MXRA5: variants seen among roughly 807,000 people sequenced by gnomAD.
MXRA5 encodes matrix-remodeling-associated protein 5.
In MXRA5, 41 loss-of-function variants were observed where a neutral mutation model predicts 112.5. That is an observed-to-expected ratio of 0.36 (90% CI 0.28 to 0.47). The LOEUF (loss-of-function observed/expected upper bound fraction) is 0.47. Ranked by LOEUF, MXRA5 falls within the 20% of genes least tolerant of loss-of-function variation. MXRA5 has a pLI of 0.99. For synonymous variants in MXRA5, 862 were observed against 900.8 expected (o/e 0.96, Z 0.77); for missense variants, 2,150 against 2,251.0 (o/e 0.96, Z 0.91).
intron 2 of MXRA5, among the ~76,000 whole-genome samples, chrX:3,338,336 T>C (rs766880869): frequency 1.8e-5 from 2 of 111,337 alleles, no homozygotes; most frequent in East Asian, 2.8e-4. Context: ...TTGTCATAGA[T>C]AGATGATAGA....
intron 2 of MXRA5, among the ~76,000 whole-genome samples, chrX:3,341,930 C>A (rs1215293055): frequency 9.3e-6 from 1 of 108,000 alleles, no homozygotes; most frequent in East Asian, 2.9e-4. Context: ...ACAGTTAAAG[C>A]CCCACTTTCT....
At chrX:3,334,212 G>A (rs1921734595) in intron 2 of MXRA5, among the ~76,000 whole-genome samples, 1 of 111,392 alleles carries the variant, frequency 9.0e-6, no homozygotes, top group South Asian at 3.8e-4. Flanking sequence ...GACCTTCTGA[G>A]CTCAAGTGAT....
rs1004618956 is a variant in MXRA5 at position 3,324,704 on chromosome X, C to T, written c.981G>A (p.Gly327=). 3 of 1,208,556 alleles carry T rather than the reference C, an allele frequency of 2.5e-6. No homozygotes were observed. The African/African-American group carries it at 5.3e-5, about 21-fold the overall frequency. The part of the protein sequence containing the change: ...SISLNMTDEH[G]NMVNLVCDIK... ...TGTCACAGACCAAGTTCACCATGTT[C>T]CCGTGCTCGTCGGTCATATTCAAAG... is the stretch of plus-strand genomic sequence containing the variant. The change falls in exon 5 of 7, where the codon GGG becomes GGA. Residue 327 remains glycine (G), a synonymous_variant. Transcript: ENST00000217939.
chrX:3,326,774 C>G (rs1921522043), intron 4 of MXRA5, among the ~76,000 whole-genome samples: 1 of 110,184 alleles, frequency 9.1e-6, no homozygotes, highest in Non-Finnish European at 1.9e-5. Context: ...CTGGGTCCTC[C>G]TTGACTTGAG....
At position 3,317,552 on chromosome X, in the gene MXRA5, C is replaced by T. The variant is rs1195088099; in HGVS notation, c.6129G>A (p.Ala2043=). 1.5e-5 allele frequency: 18 copies of T among 1,208,195 alleles called. No homozygotes were observed. Among genetic ancestry groups the T allele is most frequent in the East Asian group, 3.0e-5 (1 of 33,722 alleles). ...ADSLAIRLHV[A]ALPPVIHQEK... ...CCTGGTGGATAACGGGGGGCAGTGC[C>T]GCCACGTGCAGGCGGATGGCCAGGC... Residue 2043 remains alanine (A), a synonymous_variant, in exon 6 of 7, where the codon GCG becomes GCA. Transcript: ENST00000217939.
At position 3,316,175 on chromosome X, in the gene MXRA5, G is replaced by A. The variant is rs1460722986; in HGVS notation, c.6578+928C>T. On this transcript the variant is annotated intron_variant, in intron 6 of 6. Coordinates refer to ENST00000217939, the MANE Select transcript of MXRA5 (RefSeq NM_015419.4). Reference sequence around the variant, plus strand: ...TAAAAATACAAAAAATTAGCCAGGCGTGGTGGCGGGCGCCTGTAGTCCCAG... The same window carrying A: ...TAAAAATACAAAAAATTAGCCAGGCATGGTGGCGGGCGCCTGTAGTCCCAG... 4.4e-5 allele frequency among the ~76,000 whole-genome samples: 4 copies of A among 91,479 alleles called. No homozygotes were observed. In the East Asian group the frequency reaches 9.9e-4, roughly 23 times the overall value. The allele number at this position is 91,479 out of a possible 115,157, so 79.4% of individuals were successfully genotyped here. A position where few individuals can be genotyped will look rare whatever the true frequency, so the allele number is the denominator to read the frequency against.
intron 6 of MXRA5, 88 bp downstream of exon 6, chrX:3,317,015 G>T: frequency 1.1e-6 from 1 of 947,962 alleles, no homozygotes. Flanking sequence ...AGGGAGCAAC[G>T]TGTGTGCATA....
intron 6 of MXRA5, 41 bp downstream of exon 6, chrX:3,317,061 AC>A: frequency 9.1e-7 from 1 of 1,095,022 alleles, no homozygotes; most frequent in Non-Finnish European, 1.2e-6. Context: ...CGTTGGGGCC[AC>A]CAGCCCAGCG....
Position 3,322,480 on chromosome X carries a change from C to T in MXRA5, c.3205G>A (p.Gly1069Arg), listed in dbSNP as rs950457197. ...GGGTCTCCCTCTAGCATATTTCCTC[C>T]CTGTAGTGTCTGAGACATCTCTTTC... Reference protein sequence around the residue: ...GMKEMSQTLQGGNMLEGDPTH... With the variant: ...GMKEMSQTLQRGNMLEGDPTH... The change falls in exon 5 of 7, where the codon GGA becomes AGA. Residue 1069 changes from glycine to arginine, a missense_variant. Transcript: ENST00000217939. The T allele has an allele frequency of 6.6e-6, 8 of 1,209,397 alleles. No homozygotes were observed. The African/African-American group carries it at 1.2e-4, about 19-fold the overall frequency.
intron 2 of MXRA5, among the ~76,000 whole-genome samples, chrX:3,335,073 ATTG>A (rs1437063121): frequency 2.7e-5 from 3 of 111,769 alleles, no homozygotes; most frequent in African/African-American, 6.5e-5. Context: ...TGGGGACATT[ATTG>A]TTGTTGTTGC....
At position 3,311,279 on chromosome X, in the gene MXRA5, T is replaced by G; in HGVS notation, c.6924A>C (p.Thr2308=). The G allele has an allele frequency of 8.3e-7, 1 of 1,211,037 alleles. No individual in the cohort carries two copies. The highest frequency in any genetic ancestry group is 1.1e-6 in the Non-Finnish European group (1 of 895,352). ...TKRYVVFNNG[T]LYFNEVGMRE... ...TCATCCCCACTTCGTTAAAGTAGAG[T>G]GTCCCATTGTTGAAGACGACATAGC... The change falls in exon 7 of 7, where the codon ACA becomes ACC. Residue 2308 remains threonine (T), a synonymous_variant. Transcript: ENST00000217939.
rs1432511156 is a variant in MXRA5, at chrX:3,310,617, A to C, written c.7586T>G (p.Leu2529Trp). The change falls in exon 7 of 7, where the codon TTG becomes TGG. Residue 2529 changes from leucine to tryptophan, a missense_variant. Leu to Trp is a moderately conservative substitution (Grantham distance 61). Around this residue, in one of 6 missense-constraint regions of MXRA5, gnomAD observed 93 missense variants for 135.5 expected, o/e 0.69. Transcript: ENST00000217939. ...CTCCAGGACAGTGAGCTGCAGGATC[A>C]ACCTGGCCTCCCCTCCCTCGTTGCG... ...MARNEGGEAR[L>W]ILQLTVLEPM... 1.2e-6 allele frequency: 1 copy of C among 863,626 alleles called. No individual in the cohort carries two copies. Among genetic ancestry groups the C allele is most frequent in the South Asian group, 2.3e-5 (1 of 42,719 alleles). 71.2% of individuals were successfully genotyped at this position (863,626 alleles called of 1,213,427 possible). A position where few individuals can be genotyped will look rare whatever the true frequency, so the allele number is the denominator to read the frequency against.
chrX:3,322,389 G>A lies in MXRA5; in HGVS notation c.3296C>T (p.Thr1099Ile), dbSNP rs187329506. Residue 1099 changes from threonine (T) to isoleucine (I), a missense_variant, in exon 5 of 7, where the codon ACA becomes ATA. Physicochemically the swap from Thr to Ile is moderately conservative, Grantham distance 89 (BLOSUM62 -1). Coordinates refer to ENST00000217939, the MANE Select transcript of MXRA5 (RefSeq NM_015419.4). ...AGACATACTGCTCATTATACCCAGTGTGGAGTCAGGCAAAGTGATGGATTT... is the reference window on the plus strand; with the variant it reads ...AGACATACTGCTCATTATACCCAGTATGGAGTCAGGCAAAGTGATGGATTT... ...ESKSITLPDS[T>I]LGIMSSMSPV... 8.3e-7 allele frequency: 1 copy of A among 1,209,626 alleles called. No homozygotes were observed. Among genetic ancestry groups the A allele is most frequent in the African/African-American group, 1.8e-5 (1 of 57,076 alleles).
At chrX:3,341,030 T>TTATACATAATATAATATATTATATTATAC (rs1569188282) in intron 2 of MXRA5, among the ~76,000 whole-genome samples, 1 of 77,919 alleles carries the variant, frequency 1.3e-5, no homozygotes, top group Non-Finnish European at 2.3e-5. Context: ...ATATATAATG[T>TTATACATAATATAATATATTATATTATAC]ATAATATATA....
chrX:3,338,714 A>G (rs1277521928), intron 2 of MXRA5, among the ~76,000 whole-genome samples: 1 of 111,243 alleles, frequency 9.0e-6, no homozygotes, highest in Non-Finnish European at 1.9e-5. Context: ...AGGCAGACAG[A>G]TGATACATAG....
At position 3,322,058 on chromosome X, in the gene MXRA5, T is replaced by A. The variant is rs757664593; in HGVS notation, c.3627A>T (p.Thr1209=). The change falls in exon 5 of 7, where the codon ACA becomes ACT. Residue 1209 remains threonine (T), a synonymous_variant. Coordinates refer to ENST00000217939, the MANE Select transcript of MXRA5 (RefSeq NM_015419.4). ...TTTCCAACTGTTTGGGGGTATTAACTGTGTTATCCACCCAAGCTGTAGGAA... is the reference window on the plus strand; with the variant it reads ...TTTCCAACTGTTTGGGGGTATTAACAGTGTTATCCACCCAAGCTGTAGGAA... ...SLVPTAWVDN[T]VNTPKQLEME... 8 of 1,211,278 alleles carry A rather than the reference T, an allele frequency of 6.6e-6. No individual in the cohort carries two copies. The South Asian group carries it at 8.8e-5, about 13-fold the overall frequency.
In MXRA5 at chrX:3,322,279, C is replaced by A. The variant is rs202161929; in HGVS notation, c.3406G>T (p.Val1136Phe). The A allele has an allele frequency of 2.1e-5, 25 of 1,204,588 alleles. No individual in the cohort carries two copies. In the African/African-American group the frequency reaches 4.2e-4, roughly 20 times the overall value. ...GTGCTCATGGTGGATGACGGAGCAA[C>A]TTTTTGCCTTGGTGTTGTTGTTGCT... is the stretch of plus-strand genomic sequence containing the variant. ...TTATTTPRQK[V>F]APSSTMSTHP... The change falls in exon 5 of 7, where the codon GTT becomes TTT. Residue 1136 changes from valine (V) to phenylalanine (F), a missense_variant. Val to Phe is a conservative substitution (Grantham distance 50). Transcript: ENST00000217939.
intron 2 of MXRA5, among the ~76,000 whole-genome samples, chrX:3,341,109 A>ATATTATG: frequency 1.5e-5 from 1 of 65,610 alleles, no homozygotes; most frequent in Non-Finnish European, 2.6e-5. Context: ...ACATAATATA[A>ATATTATG]TATAATATAT....
intron 2 of MXRA5, among the ~76,000 whole-genome samples, chrX:3,331,915 A>G (rs1921672661): frequency 8.9e-6 from 1 of 112,263 alleles, no homozygotes; most frequent in Non-Finnish European, 1.9e-5. Context: ...GAGACATAAC[A>G]CATCTAGCCT....
Sources: gnomAD v4.1 joint callset for allele counts (sites outside exome capture counted in the v4.1 genomes callset) on GRCh38, gnomAD v4.1.1 for gene constraint, gnomAD v4.1.1 regional missense constraint, MANE v1.5 for transcripts, NCBI Gene and HGNC (gene_info 2026-07-23, HGNC 2026-07-21) for gene names.